Variants in DNAH9 observed in about 807,000 individuals in gnomAD.
DNAH9 encodes dynein axonemal heavy chain 9.
A neutral mutation model predicts 471.6 loss-of-function variants in DNAH9; 345 were observed. The ratio of observed to expected loss-of-function variants is 0.73; its 90% CI spans 0.67 to 0.80. The LOEUF (loss-of-function observed/expected upper bound fraction) is 0.80. Among genes scored for constraint, DNAH9 ranks in the 30% least tolerant of loss-of-function variants. The pLI, the probability that DNAH9 is intolerant of heterozygous loss-of-function variation, is 0.00. For missense variants in DNAH9, 5,407 were observed against 5,609.2 expected, an observed-to-expected ratio of 0.96 and a Z score of 1.15; for synonymous variants, 2,093 against 2,123.6, an observed-to-expected ratio of 0.99 and a Z score of 0.40.
At chr17:11,886,524 TGCATTTCCATGAAATC>T (rs1972883119) in intron 56 of DNAH9, among the ~76,000 whole-genome samples, 1 of 142,246 alleles carries the variant, frequency 7.0e-6, no homozygotes, top group African/African-American at 2.7e-5. Context: ...TTTTTTTTTT[TGCATTTCCATGAAATC>T]TTTCTCATTA....
chr17:11,881,455 C>T (rs1220198686), intron 55 of DNAH9, 42 bp downstream of exon 55: 3 of 1,578,628 alleles, frequency 1.9e-6, no homozygotes, highest in African/African-American at 2.7e-5. Flanking sequence ...CTAGAGCCTG[C>T]AGTGTACTCC....
chr17:11,751,410 A>T (rs1461714750), intron 32 of DNAH9, among the ~76,000 whole-genome samples: 2 of 152,050 alleles, frequency 1.3e-5, no homozygotes, highest in Admixed American at 6.6e-5. Context: ...ATACCCTTTG[A>T]CCAAGTAAAA....
chr17:11,912,959 G>T (rs1258706835), intron 61 of DNAH9, among the ~76,000 whole-genome samples: 1 of 152,110 alleles, frequency 6.6e-6, no homozygotes, highest in East Asian at 1.9e-4. Context: ...CCTGAGGTCA[G>T]GAGTTCAAGA....
chr17:11,762,758 G>GTTTTTTTTGTTGTTTTTTTTTTTTTTTT (rs1967733702), intron 35 of DNAH9, among the ~76,000 whole-genome samples: 1 of 94,790 alleles, frequency 1.1e-5, no homozygotes, highest in African/African-American at 3.8e-5. Flanking sequence ...CTTTAGGTGC[G>GTTTTTTTTGTTGTTTTTTTTTTTTTTTT]TTTTTTTTTT....
chr17:11,807,589 G>T, intron 43 of DNAH9, 143 bp from the exon 44 acceptor site: 1 of 894,864 alleles, frequency 1.1e-6, no homozygotes, highest in East Asian at 2.6e-5. Context: ...GCCAGGTTTA[G>T]GGACAATCTA....
Position 11,701,199 on chromosome 17 carries a change from C to G in DNAH9, c.5103C>G (p.Ala1701=). Residue 1701 remains alanine, a synonymous_variant, in exon 24 of 69, where the codon GCC becomes GCG. Transcript: ENST00000262442. ...ATGAGATGACAGAAGGTGTAACTGC[C>G]TATGAAGAAAAGCCGAGGGAGCAGT... The part of the protein sequence containing the change: ...VRHEMTEGVT[A]YEEKPREQWL... The G allele has an allele frequency of 6.2e-7, 1 of 1,614,064 alleles. No homozygotes were observed. Among genetic ancestry groups the G allele is most frequent in the Non-Finnish European group, 8.5e-7 (1 of 1,179,990 alleles).
Position 11,890,466 on chromosome 17 carries a change from A to G in DNAH9, c.11113-1311A>G, listed in dbSNP as rs148217746. On this transcript the variant is annotated intron_variant, in intron 57 of 68. Coordinates refer to ENST00000262442, the MANE Select transcript of DNAH9 (RefSeq NM_001372.4). Reference sequence around the variant, plus strand: ...GGGAGAAAGAAATTCACATTTTCCTACTTTGCAAATGAAGAGATATTGAGA... The same window carrying G: ...GGGAGAAAGAAATTCACATTTTCCTGCTTTGCAAATGAAGAGATATTGAGA... Among the ~76,000 whole-genome samples the G allele has an allele frequency of 2.9e-3, 446 of 151,428 alleles. 3 individuals carry two copies. Among genetic ancestry groups the G allele is most frequent in the African/African-American group, 9.8e-3 (405 of 41,470 alleles).
At position 11,880,097 on chromosome 17, in the gene DNAH9, C is replaced by T; in HGVS notation, c.10498C>T (p.Gln3500Ter). The T allele has an allele frequency of 8.1e-6, 13 of 1,613,992 alleles. No homozygotes were observed. Among genetic ancestry groups the T allele is most frequent in the Non-Finnish European group, 1.1e-5 (13 of 1,179,902 alleles). Residue 3500 changes from glutamine to a stop codon, truncating the protein, a stop_gained, in exon 54 of 69, where the codon CAG becomes TAG. Coordinates refer to ENST00000262442, the MANE Select transcript of DNAH9 (RefSeq NM_001372.4). LOFTEE classifies it high-confidence loss of function. ...GQKGYLQIIE[Q>*]ALEAGAVVLI... ...CCCTAGCTACCTTCAAATCATAGAG[C>T]AGGCCCTGGAAGCTGGAGCTGTGGT...
At chr17:11,800,733 A>AT (rs1692452707) in intron 43 of DNAH9, among the ~76,000 whole-genome samples, 1 of 152,118 alleles carries the variant, frequency 6.6e-6, no homozygotes, top group Non-Finnish European at 1.5e-5. Context: ...CCTATATTAC[A>AT]TGACGCCCCT....
intron 29 of DNAH9, among the ~76,000 whole-genome samples, chr17:11,741,607 CCA>C (rs756259778): frequency 6.6e-6 from 1 of 152,076 alleles, no homozygotes; most frequent in Non-Finnish European, 1.5e-5. Flanking sequence ...ATGGCAAAAA[CCA>C]CAGTTACTTT....
chr17:11,893,195 A>AAAAAAAG (rs1567881022), intron 58 of DNAH9, among the ~76,000 whole-genome samples: 13 of 150,648 alleles, frequency 8.6e-5, no homozygotes, highest in East Asian at 2.0e-4. Flanking sequence ...AAAAAAAAAA[A>AAAAAAAG]TGTGGGCCCC....
At position 11,871,902 on chromosome 17, in the gene DNAH9, C is replaced by G. The variant is rs34933096; in HGVS notation, c.10242+116C>G. The G allele has an allele frequency of 0.045, 51,138 of 1,126,466 alleles. 1,486 individuals carry two copies. The highest frequency in any genetic ancestry group is 0.053 in the Non-Finnish European group (41,659 of 783,224). 69.8% of individuals were successfully genotyped at this position (1,126,466 alleles called of 1,614,324 possible). A position where few individuals can be genotyped will look rare whatever the true frequency, so the allele number is the denominator to read the frequency against. ...TCCTGCACACTCATCCCCACCACCCCCTGAGCACCAGGTGTGAAACCTGCG... is the reference window on the plus strand; with the variant it reads ...TCCTGCACACTCATCCCCACCACCCGCTGAGCACCAGGTGTGAAACCTGCG... On this transcript the variant is annotated intron_variant, in intron 52 of 68. Coordinates refer to ENST00000262442, the MANE Select transcript of DNAH9 (RefSeq NM_001372.4).
chr17:11,964,563 A>G (rs1040839978), intron 68 of DNAH9, among the ~76,000 whole-genome samples: 2 of 152,250 alleles, frequency 1.3e-5, no homozygotes, highest in Non-Finnish European at 2.9e-5. Context: ...TCTCCTCCAT[A>G]AAACAATGAG....
intron 33 of DNAH9, among the ~76,000 whole-genome samples, chr17:11,755,979 C>T (rs1198633788): frequency 6.6e-6 from 1 of 152,072 alleles, no homozygotes; most frequent in African/African-American, 2.4e-5. Context: ...AAGGGATTTC[C>T]CCTTATAAAA....
Position 11,782,230 on chromosome 17 carries a change from T to C in DNAH9, c.7718+1056T>C, listed in dbSNP as rs77353383. 8.3e-3 allele frequency among the ~76,000 whole-genome samples: 1,266 copies of C among 152,318 alleles called. 7 individuals are homozygous for C. Among genetic ancestry groups the C allele is most frequent in the Non-Finnish European group, 0.014 (958 of 68,022 alleles). On this transcript the variant is annotated intron_variant, in intron 39 of 68. Coordinates refer to ENST00000262442, the MANE Select transcript of DNAH9 (RefSeq NM_001372.4). ...GCAGCTTAATTTCATGGACAATCAT[T>C]AGAGTCAAGCTAACTAGTTTTACTT...
chr17:11,840,185 A>T (rs1338829410), intron 49 of DNAH9, among the ~76,000 whole-genome samples: 1 of 152,238 alleles, frequency 6.6e-6, no homozygotes, highest in Non-Finnish European at 1.5e-5. Flanking sequence ...GACATTATAC[A>T]AGAAAGACAT....
intron 48 of DNAH9, among the ~76,000 whole-genome samples, chr17:11,823,649 C>T (rs529674202): frequency 1.3e-5 from 2 of 152,274 alleles, no homozygotes; most frequent in African/African-American, 2.4e-5. Context: ...AGGCCCCTGT[C>T]GGCCGGGCAC....
rs1974544844 is a variant in DNAH9, at chr17:11,932,291, G to A, written c.12297+86G>A. On this transcript the variant is annotated intron_variant, in intron 64 of 68. Transcript: ENST00000262442. The surrounding 1 kb of genome is among the most constrained non-coding windows in gnomAD (Gnocchi z 4.3). ...TTGAGGGGTGAATCAGAGGGGTCTA[G>A]GATGGGGCCTGAGAATGTGCATTTC... 2.2e-6 allele frequency: 3 copies of A among 1,360,136 alleles called. No homozygotes were observed. In the African/African-American group the frequency reaches 4.4e-5, roughly 20 times the overall value. The allele number at this position is 1,360,136 out of a possible 1,614,324, so 84.3% of individuals were successfully genotyped here. A position where few individuals can be genotyped will look rare whatever the true frequency, so the allele number is the denominator to read the frequency against.
At chr17:11,607,116 C>T (rs890342560) in intron 1 of DNAH9, among the ~76,000 whole-genome samples, 2 of 152,188 alleles carry the variant, frequency 1.3e-5, no homozygotes, top group Non-Finnish European at 2.9e-5. Context: ...GTGCCCTTCC[C>T]ACCACCTGTA....
Sources: allele counts gnomAD v4.1 joint callset (sites outside exome capture counted in the v4.1 genomes callset), GRCh38; gene constraint gnomAD v4.1.1; non-coding constraint Gnocchi (gnomAD v3.1); transcripts MANE v1.5; gene names NCBI Gene and HGNC (gene_info 2026-07-23, HGNC 2026-07-21).